Variants in SLC35F4 observed in about 807,000 individuals in gnomAD.
The protein encoded by SLC35F4 is solute carrier family 35 member F4, also known as chromosome 14 open reading frame 36.
A neutral mutation model predicts 44.2 loss-of-function variants in SLC35F4; 24 were observed. That is an observed-to-expected ratio of 0.54 (90% CI 0.39 to 0.76). The LOEUF (loss-of-function observed/expected upper bound fraction) is 0.76. Ranked by LOEUF, SLC35F4 falls within the 30% of genes least tolerant of loss-of-function variation. The pLI is 0.00. For synonymous variants in SLC35F4, 238 were observed against 223.6 expected (o/e 1.06, Z -0.57); for missense variants, 562 against 586.1 (o/e 0.96, Z 0.42).
chr14:57,828,946 C>T (rs1438726923), intron 1 of SLC35F4, among the ~76,000 whole-genome samples: 1 of 152,220 alleles, frequency 6.6e-6, no homozygotes, highest in Non-Finnish European at 1.5e-5. Flanking sequence ...CAACTCATTG[C>T]TTTTAAACAG....
chr14:57,672,981 TA>T (rs889573807), intron 1 of SLC35F4, among the ~76,000 whole-genome samples: 1 of 151,932 alleles, frequency 6.6e-6, no homozygotes, highest in Admixed American at 6.6e-5. Flanking sequence ...TTTTATTCAA[TA>T]AAAAAATAAA....
At chr14:57,966,612 CT>C (rs1337662495) in intron 1 of SLC35F4, among the ~76,000 whole-genome samples, 1 of 152,154 alleles carries the variant, frequency 6.6e-6, no homozygotes, top group East Asian at 1.9e-4. Flanking sequence ...GAAAGCACTT[CT>C]TAGAAATTAA....
At position 57,865,812 on chromosome 14, in the gene SLC35F4, G is replaced by A. The variant is rs1171317174; in HGVS notation, c.14C>T (p.Ala5Val). Residue 5 changes from alanine (A) to valine (V), a missense_variant, in exon 1 of 8, where the codon GCG becomes GTG. Transcript: ENST00000556826. The stretch of plus-strand genomic sequence containing the variant: ...GATAGTGGCCACCCCGTTGGGGGCC[G>A]CCTTGACATCCATAGAGAGCGCGGG... MDVK[A>V]APNGVATIED... 1.3e-6 allele frequency: 2 copies of A among 1,518,520 alleles called. No individual in the cohort carries two copies. The highest frequency in any genetic ancestry group is 1.8e-6 in the Non-Finnish European group (2 of 1,139,590). 94.1% of individuals were successfully genotyped at this position (1,518,520 alleles called of 1,614,324 possible).
At chr14:57,941,489 T>A (rs1296255538) in intron 1 of SLC35F4, among the ~76,000 whole-genome samples, 2 of 152,248 alleles carry the variant, frequency 1.3e-5, no homozygotes, top group East Asian at 3.9e-4. Context: ...AATAGGTAAA[T>A]ACATAGATGC....
At chr14:57,777,914 C>T (rs1417381272) in intron 1 of SLC35F4, among the ~76,000 whole-genome samples, 2 of 152,076 alleles carry the variant, frequency 1.3e-5, no homozygotes. Context: ...GAAAAATCTA[C>T]AAAGCAAATG....
chr14:57,909,541 TACACACAC>T (rs56024301), intron 1 of SLC35F4, among the ~76,000 whole-genome samples: 32,620 of 148,520 alleles, frequency 0.22, 3,563 homozygotes, highest in Admixed American at 0.24. Flanking sequence ...CAGTTGGAAA[TACACACAC>T]ACACACACAC....
intron 1 of SLC35F4, among the ~76,000 whole-genome samples, chr14:57,841,024 G>A (rs755403384): frequency 1.3e-5 from 2 of 152,158 alleles, no homozygotes; most frequent in Non-Finnish European, 2.9e-5. Context: ...ACTGACAGTA[G>A]CAAGCCCCTT....
chr14:57,939,800 T>A (rs1889883179), intron 1 of SLC35F4, among the ~76,000 whole-genome samples: 2 of 152,210 alleles, frequency 1.3e-5, no homozygotes, highest in South Asian at 4.1e-4. Flanking sequence ...TCTCTAAACA[T>A]CCAAGTTATA....
At chr14:57,835,202 T>C (rs931998959) in intron 1 of SLC35F4, among the ~76,000 whole-genome samples, 1 of 152,214 alleles carries the variant, frequency 6.6e-6, no homozygotes, top group African/African-American at 2.4e-5. Context: ...CTCCTTCAGA[T>C]CCTGTAATCA....
In SLC35F4 at chr14:57,718,915, C is replaced by G. The variant is rs1237932214; in HGVS notation, c.104-124791G>C. Among the ~76,000 whole-genome samples the G allele has an allele frequency of 2.6e-5, 4 of 152,082 alleles. No homozygotes were observed. The South Asian group carries it at 8.3e-4, about 32-fold the overall frequency. On this transcript the variant is annotated intron_variant, in intron 1 of 7. Coordinates refer to ENST00000556826, the MANE Select transcript of SLC35F4 (RefSeq NM_001306087.2). ...GGGGTATTACTTAGGAAACTTTTGC[C>G]CAATATCTTGAAGAACTTCCCTAAA...
rs1404426860 is a variant in SLC35F4, at chr14:57,720,989, T to TATATATAC, written c.104-126866_104-126865insGTATATAT. ...AGTTAATAAACTCCTCATATATATA[T>TATATATAC]ATATATATATATATATATATATATA... On this transcript the variant is annotated intron_variant, in intron 1 of 7. Coordinates refer to ENST00000556826, the MANE Select transcript of SLC35F4 (RefSeq NM_001306087.2). Among the ~76,000 whole-genome samples, 3 of 116,454 alleles carry TATATATAC rather than the reference T, an allele frequency of 2.6e-5. 1 individual carries two copies. The East Asian group carries it at 7.5e-4, about 29-fold the overall frequency. 76.4% of individuals were successfully genotyped at this position (116,454 alleles called of 152,430 possible).
At chr14:57,703,292 A>T (rs1212683926) in intron 1 of SLC35F4, among the ~76,000 whole-genome samples, 1 of 152,196 alleles carries the variant, frequency 6.6e-6, no homozygotes, top group Non-Finnish European at 1.5e-5. Context: ...CATCATCAGA[A>T]AAATACAGTA....
At chr14:57,905,094 T>C (rs149105078) in intron 1 of SLC35F4, among the ~76,000 whole-genome samples, 2 of 152,348 alleles carry the variant, frequency 1.3e-5, no homozygotes, top group East Asian at 3.9e-4. Flanking sequence ...GGCTTGAGCC[T>C]CTCATGAGTT....
chr14:57,669,151 G>T (rs2074422582), intron 1 of SLC35F4, among the ~76,000 whole-genome samples: 1 of 152,034 alleles, frequency 6.6e-6, no homozygotes, highest in South Asian at 2.1e-4. Flanking sequence ...TGGTGTATAA[G>T]ACTGCTTGTG....
intron 1 of SLC35F4, among the ~76,000 whole-genome samples, chr14:57,773,046 C>G (rs187836377): frequency 8.0e-4 from 121 of 152,196 alleles, no homozygotes; most frequent in African/African-American, 2.8e-3. Flanking sequence ...TAATAGTAAC[C>G]ATTATGACTG....
intron 1 of SLC35F4, among the ~76,000 whole-genome samples, chr14:57,833,087 A>G (rs1884547199): frequency 6.6e-6 from 1 of 152,230 alleles, no homozygotes; most frequent in Non-Finnish European, 1.5e-5. Context: ...AACAAGAACA[A>G]AAGTTCTCTA....
intron 4 of SLC35F4, among the ~76,000 whole-genome samples, chr14:57,572,772 T>C: frequency 6.6e-6 from 1 of 152,236 alleles, no homozygotes; most frequent in East Asian, 1.9e-4. Flanking sequence ...AAATTGATGA[T>C]TCTAGCTATA....
chr14:57,887,702 T>C (rs908512690), intron 1 of SLC35F4, among the ~76,000 whole-genome samples: 7 of 152,136 alleles, frequency 4.6e-5, no homozygotes, highest in African/African-American at 1.7e-4. Context: ...AGCAATGGAA[T>C]CCATCCAGGA....
intron 1 of SLC35F4, among the ~76,000 whole-genome samples, chr14:57,945,362 T>C (rs549035092): frequency 1.8e-4 from 28 of 151,556 alleles, no homozygotes; most frequent in South Asian, 4.2e-4. Context: ...CGGAAATGAA[T>C]TCCCCCTGCA....
Sources: gnomAD v4.1 joint callset for allele counts (sites outside exome capture counted in the v4.1 genomes callset) on GRCh38, gnomAD v4.1.1 for gene constraint, MANE v1.5 for transcripts, NCBI Gene and HGNC (gene_info 2026-07-23, HGNC 2026-07-21) for gene names.